The following CCDC141 variants were observed in gnomAD, a reference collection of about 807,000 sequenced individuals.
CCDC141 encodes the protein coiled-coil domain-containing protein 141.
CCDC141 carries 168 observed loss-of-function variants against 181.0 expected under a neutral mutation model. The ratio of observed to expected loss-of-function variants is 0.93; its 90% confidence interval spans 0.82 to 1.05. CCDC141 has a LOEUF of 1.05. Ranked by LOEUF, CCDC141 falls within the 50% of genes least tolerant of loss-of-function variation. The probability of loss-of-function intolerance (pLI) is 0.00; values close to 1 mark genes in which losing one functional copy is unlikely to be tolerated. For synonymous variants in CCDC141, 666 were observed against 642.3 expected (o/e 1.04, Z -0.56); for missense variants, 1,902 against 1,788.5 (o/e 1.06, Z -1.14).
chr2:179,003,237 C>G (rs1009784509), intron 2 of CCDC141, among the ~76,000 whole-genome samples: 4 of 152,226 alleles, frequency 2.6e-5, no homozygotes, highest in Admixed American at 2.6e-4. Context: ...AAAAATCATG[C>G]ACATTGAGCT....
In CCDC141 at chr2:178,944,581, T is replaced by C. The variant is rs555755396; in HGVS notation, c.851A>G (p.Asn284Ser). The change falls in exon 6 of 24, where the codon AAT becomes AGT. Residue 284 changes from asparagine (N) to serine (S), a missense_variant. By Grantham distance (46) the Asn-to-Ser change is conservative. Transcript: ENST00000443758. ...EQSLGSSLSDNEDRIHKQEEL... is the reference protein window; with the variant it reads ...EQSLGSSLSDSEDRIHKQEEL... ...CTCTTGCTTATGAATTCGATCCTCA[T>C]TGTCTGAAAGTGATGAACCTAGACT... 29 of 1,540,648 alleles carry C rather than the reference T, an allele frequency of 1.9e-5. No homozygotes were observed. The African/African-American group carries it at 3.4e-4, about 18-fold the overall frequency.
At chr2:179,043,432 T>G (rs1458838261) in intron 2 of CCDC141, among the ~76,000 whole-genome samples, 1 of 152,152 alleles carries the variant, frequency 6.6e-6, no homozygotes, top group Non-Finnish European at 1.5e-5. Flanking sequence ...TGAACATTGA[T>G]GCAAAAATCT....
chr2:178,932,012 G>C (rs1435546745), intron 6 of CCDC141, among the ~76,000 whole-genome samples: 1 of 151,856 alleles, frequency 6.6e-6, no homozygotes, highest in Non-Finnish European at 1.5e-5. Context: ...CTAAAAATTA[G>C]CTGGGGCATG....
chr2:178,831,468 T>G lies in CCDC141; in HGVS notation c.*2705A>C, dbSNP rs1274351301. 6.6e-6 allele frequency: 1 copy of G among 152,338 alleles called. No homozygotes were observed. The highest frequency in any genetic ancestry group is 2.4e-5 in the African/African-American group (1 of 41,584). 9.4% of individuals were successfully genotyped at this position (152,338 alleles called of 1,614,324 possible). ...AACACATGTAATTTTTAAACTTTCT[T>G]TTCATTTTAGTTTTCTTGTTGAAAA... On this transcript the variant is annotated 3_prime_UTR_variant, in exon 24 of 24. Transcript: ENST00000443758.
intron 12 of CCDC141, chr2:178,873,442 A>G (rs888624821): frequency 1.2e-4 from 19 of 152,152 alleles, no homozygotes; most frequent in African/African-American, 4.3e-4. Context: ...AATTCACCCC[A>G]AATTATACTT....
intron 4 of CCDC141, 58 bp downstream of exon 4, chr2:178,974,999 A>T: frequency 1.3e-6 from 1 of 792,886 alleles, no homozygotes; most frequent in Non-Finnish European, 2.0e-6. Flanking sequence ...AAGCATTCTC[A>T]CATTAACATC....
chr2:178,918,666 C>T, intron 7 of CCDC141, 47 bp downstream of exon 7: 2 of 1,480,162 alleles, frequency 1.4e-6, no homozygotes, highest in Non-Finnish European at 1.8e-6. Flanking sequence ...GGGTCTTTTA[C>T]TGGTCTGCCT....
intron 2 of CCDC141, among the ~76,000 whole-genome samples, chr2:179,012,497 AG>A (rs1012491679): frequency 6.6e-6 from 1 of 152,154 alleles, no homozygotes; most frequent in Non-Finnish European, 1.5e-5. Context: ...CAACAAAAAA[AG>A]TCCAGGACCA....
rs536378409 is a variant in CCDC141, at chr2:178,911,294, G to A, written c.1093-5793C>T. Among the ~76,000 whole-genome samples the A allele has an allele frequency of 4.6e-5, 7 of 152,290 alleles. 1 individual carries two copies. In the Middle Eastern group the frequency reaches 0.017, roughly 370 times the overall value. On this transcript the variant is annotated intron_variant, in intron 7 of 23. Transcript: ENST00000443758. ...CTTAGCAGTTCTGTGCTGTAGCCACGTATTAACTTACTTAGACAGCACAAT... is the reference window on the plus strand; with the variant it reads ...CTTAGCAGTTCTGTGCTGTAGCCACATATTAACTTACTTAGACAGCACAAT...
intron 2 of CCDC141, among the ~76,000 whole-genome samples, chr2:178,992,827 T>A (rs1692118047): frequency 6.6e-6 from 1 of 152,188 alleles, no homozygotes; most frequent in South Asian, 2.1e-4. Flanking sequence ...ACCCCCAAGC[T>A]GCTGTTCCTG....
rs754917418 is a variant in CCDC141, at chr2:178,868,154, C to T, written c.2446G>A (p.Glu816Lys). 1.2e-6 allele frequency: 2 copies of T among 1,613,996 alleles called. No homozygotes were observed. The highest frequency in any genetic ancestry group is 1.1e-5 in the South Asian group (1 of 91,070). The change falls in exon 16 of 24, where the codon GAA (glutamate) becomes AAA (lysine). Residue 816 changes from glutamate to lysine, a missense_variant. Glu to Lys is a moderately conservative substitution (Grantham distance 56, BLOSUM62 1). Transcript: ENST00000443758. ...RELEFVEQPK[E>K]LGDAHDVQIH... ...TGCACATCATGGGCATCACCCAGTTCCTTCGGCTGCTCTACAAACTCCAGC... is the reference window on the plus strand; with the variant it reads ...TGCACATCATGGGCATCACCCAGTTTCTTCGGCTGCTCTACAAACTCCAGC...
At chr2:178,849,555 A>G (rs2154366964) in intron 21 of CCDC141, among the ~76,000 whole-genome samples, 1 of 152,330 alleles carries the variant, frequency 6.6e-6, no homozygotes, top group Non-Finnish European at 1.5e-5. Flanking sequence ...CATATTCTCC[A>G]TATTTGTTAC....
chr2:179,047,128 C>T (rs753321246), intron 2 of CCDC141, among the ~76,000 whole-genome samples, 156 bp downstream of exon 2: 1 of 152,210 alleles, frequency 6.6e-6, no homozygotes. Context: ...CTCTCTGATG[C>T]TGTTTGTTCA....
chr2:178,855,822 T>C (rs1218886486), intron 18 of CCDC141, among the ~76,000 whole-genome samples: 3 of 152,214 alleles, frequency 2.0e-5, no homozygotes, highest in Non-Finnish European at 2.9e-5. Flanking sequence ...CAAATACTTG[T>C]CCTCAATAAG....
intron 2 of CCDC141, among the ~76,000 whole-genome samples, chr2:178,994,143 G>T (rs961908784): frequency 6.6e-6 from 1 of 152,140 alleles, no homozygotes; most frequent in Non-Finnish European, 1.5e-5. Flanking sequence ...GCTCCACTAG[G>T]CAATGTCCCA....
intron 5 of CCDC141, among the ~76,000 whole-genome samples, chr2:178,948,675 C>T (rs1179915383): frequency 6.6e-6 from 1 of 152,082 alleles, no homozygotes; most frequent in African/African-American, 2.4e-5. Flanking sequence ...TAATGCCCTC[C>T]CTTGGTGGGG....
intron 6 of CCDC141, among the ~76,000 whole-genome samples, chr2:178,925,417 G>T (rs1419542287): frequency 6.6e-6 from 1 of 152,158 alleles, no homozygotes; most frequent in Non-Finnish European, 1.5e-5. Context: ...AATAAATACT[G>T]AAGCAAATGG....
At chr2:179,015,087 T>TACAC (rs1428335717) in intron 2 of CCDC141, among the ~76,000 whole-genome samples, 1,126 of 46,306 alleles carry the variant, frequency 0.024, 58 homozygotes, top group African/African-American at 0.063. Context: ...TATATATATA[T>TACAC]ATATATATAT....
chr2:178,825,929 T>G (rs113313976), downstream of CCDC141, among the ~76,000 whole-genome samples: 9 of 152,312 alleles, frequency 5.9e-5, 1 homozygote, highest in African/African-American at 2.2e-4. Flanking sequence ...GTAAATCAAA[T>G]TAGTTTTCTT....
Sources: gnomAD v4.1 joint callset for allele counts (sites outside exome capture counted in the v4.1 genomes callset) on GRCh38, gnomAD v4.1.1 for gene constraint, MANE v1.5 for transcripts, NCBI Gene and HGNC (gene_info 2026-07-23, HGNC 2026-07-21) for gene names.